Variants in GATC observed in about 807,000 individuals in gnomAD.
The protein encoded by GATC is glutamyl-tRNA amidotransferase subunit C.
In GATC, 11 loss-of-function variants were observed where a neutral mutation model predicts 14.4. The observed-to-expected ratio is 0.77, with a 90% CI of 0.48 to 1.27. GATC has a LOEUF of 1.27. Among genes scored for constraint, GATC ranks in the 50% most tolerant of loss-of-function variants. GATC has a pLI of 0.00. For synonymous variants in GATC, 76 were observed against 79.3 expected, an observed-to-expected ratio of 0.96 and a Z score of 0.22; for missense variants, 204 against 183.0, an observed-to-expected ratio of 1.11 and a Z score of -0.66.
chr12:120,448,160 G>C (rs185758191), intron 2 of GATC, among the ~76,000 whole-genome samples: 1 of 151,956 alleles, frequency 6.6e-6, no homozygotes, highest in Admixed American at 6.6e-5. Context: ...AGACTCAAGA[G>C]ATCCTCCTGC....
At chr12:120,454,432 C>A (rs921449224) in intron 2 of GATC, among the ~76,000 whole-genome samples, 4 of 152,010 alleles carry the variant, frequency 2.6e-5, no homozygotes, top group African/African-American at 9.7e-5. Flanking sequence ...AAGCTCTTAG[C>A]CTTTTTGAGA....
intron 2 of GATC, among the ~76,000 whole-genome samples, chr12:120,455,246 G>A (rs962174335): frequency 1.3e-5 from 2 of 150,948 alleles, no homozygotes; most frequent in Admixed American, 1.3e-4. Flanking sequence ...TCAGCTCACT[G>A]CAACCTCCGC....
intron 2 of GATC, among the ~76,000 whole-genome samples, chr12:120,455,193 TC>T (rs1565914164): frequency 6.6e-6 from 1 of 150,474 alleles, no homozygotes; most frequent in African/African-American, 2.5e-5. Flanking sequence ...TTTTTTTTTT[TC>T]TTCTTGCTCT....
At chr12:120,446,916 G>T (rs746175639) in intron 2 of GATC, 87 bp downstream of exon 2, 6 of 1,336,188 alleles carry the variant, frequency 4.5e-6, no homozygotes, top group Non-Finnish European at 6.1e-6. Context: ...TTTTCCAGGG[G>T]GTTAAAGAGT....
At chr12:120,452,574 T>C (rs1229063972) in intron 2 of GATC, among the ~76,000 whole-genome samples, 1 of 151,724 alleles carries the variant, frequency 6.6e-6, no homozygotes, top group Non-Finnish European at 1.5e-5. Flanking sequence ...CTTTGTTACT[T>C]TTTTTTTGGT....
intron 3 of GATC, among the ~76,000 whole-genome samples, chr12:120,457,684 G>A (rs1451280819): frequency 7.4e-6 from 1 of 135,106 alleles, no homozygotes; most frequent in African/African-American, 2.8e-5. Flanking sequence ...TCGGCTCACC[G>A]CAACCTCCAC....
At chr12:120,452,540 C>T (rs925614351) in intron 2 of GATC, among the ~76,000 whole-genome samples, 8 of 152,234 alleles carry the variant, frequency 5.3e-5, no homozygotes, top group Non-Finnish European at 7.4e-5. Context: ...CAGGTGTGTA[C>T]CCCTATGGCC....
chr12:120,456,193 C>G (rs1258661214), intron 2 of GATC, among the ~76,000 whole-genome samples: 1 of 152,198 alleles, frequency 6.6e-6, no homozygotes, highest in Admixed American at 6.5e-5. Flanking sequence ...GGCTTACACA[C>G]TTTTACACCT....
At chr12:120,449,969 T>G (rs1877994829) in intron 2 of GATC, among the ~76,000 whole-genome samples, 2 of 150,468 alleles carry the variant, frequency 1.3e-5, no homozygotes, top group Non-Finnish European at 3.0e-5. Context: ...TCCATGTTGG[T>G]CAGGCTGGTC....
chr12:120,457,622 T>C (rs1355657861), intron 3 of GATC, among the ~76,000 whole-genome samples: 1 of 132,442 alleles, frequency 7.6e-6, no homozygotes, highest in African/African-American at 3.1e-5. Context: ...TTTTTTTTTT[T>C]TGAGACGGAG....
chr12:120,452,966 G>A (rs1592984836), intron 2 of GATC, among the ~76,000 whole-genome samples: 1 of 152,150 alleles, frequency 6.6e-6, no homozygotes, highest in Admixed American at 6.6e-5. Flanking sequence ...GAAGTGTTGG[G>A]AATATAGATG....
Position 120,457,155 on chromosome 12 carries a change from G to C in GATC, c.334G>C (p.Glu112Gln), listed in dbSNP as rs1283747869. The C allele has an allele frequency of 6.2e-7, 1 of 1,612,776 alleles. No individual in the cohort carries two copies. The highest frequency in any genetic ancestry group is 1.7e-5 in the Admixed American group (1 of 59,902). Residue 112 changes from glutamate (E) to glutamine (Q), a missense_variant, in exon 3 of 4, where the codon GAG becomes CAG. Coordinates refer to ENST00000551765, the MANE Select transcript of GATC (RefSeq NM_176818.3). ...ELLQNSHRVV[E>Q]EYFVAPPGNI... Reference sequence around the variant, plus strand: ...ACTACAAAACTCCCATCGCGTCGTGGAGGAGTACTTTGTGGCCCCCCCAGG... The same window carrying C: ...ACTACAAAACTCCCATCGCGTCGTGCAGGAGTACTTTGTGGCCCCCCCAGG...
intron 2 of GATC, among the ~76,000 whole-genome samples, chr12:120,452,581 T>C (rs911344147): frequency 5.3e-5 from 8 of 152,268 alleles, no homozygotes; most frequent in Admixed American, 5.2e-4. Context: ...ACTTTTTTTT[T>C]GGTGGAGACA....
chr12:120,457,355 G>C (rs1878213967), intron 3 of GATC, among the ~76,000 whole-genome samples, 176 bp downstream of exon 3: 1 of 152,084 alleles, frequency 6.6e-6, no homozygotes, highest in Admixed American at 6.6e-5. Context: ...CTAGGGGGCA[G>C]TTAGTAACAG....
chr12:120,455,837 C>A (rs1373086363), intron 2 of GATC, among the ~76,000 whole-genome samples: 1 of 152,160 alleles, frequency 6.6e-6, no homozygotes, highest in African/African-American at 2.4e-5. Flanking sequence ...AGGCGCCCAC[C>A]ACCACGCCCG....
chr12:120,447,694 A>G (rs965034691), intron 2 of GATC, among the ~76,000 whole-genome samples: 6 of 151,988 alleles, frequency 3.9e-5, no homozygotes, highest in African/African-American at 1.2e-4. Context: ...TTCATTTGTT[A>G]TATCTCTTTT....
intron 2 of GATC, chr12:120,454,989 G>T (rs538951168): frequency 6.6e-6 from 3 of 451,842 alleles, no homozygotes; most frequent in South Asian, 3.1e-5. Context: ...CTACATTCAA[G>T]TGATTCTTGT....
In GATC at chr12:120,461,963, A is replaced by T; in HGVS notation, c.*2004A>T. On this transcript the variant is annotated 3_prime_UTR_variant, in exon 4 of 4. Transcript: ENST00000551765. ...TCCTCAATCTGGAATGTAGATTCTG[A>T]GCACAAAGCAGCTCAGTTAACCTAA... is the stretch of plus-strand genomic sequence containing the variant. 1 of 1,470,472 alleles carries T rather than the reference A, an allele frequency of 6.8e-7. No individual in the cohort carries two copies. The highest frequency in any genetic ancestry group is 1.4e-5 in the South Asian group (1 of 70,396). 91.1% of individuals were successfully genotyped at this position (1,470,472 alleles called of 1,614,324 possible). A position where few individuals can be genotyped will look rare whatever the true frequency, so the allele number is the denominator to read the frequency against.
At chr12:120,451,254 G>A (rs1878035935) in intron 2 of GATC, among the ~76,000 whole-genome samples, 1 of 151,520 alleles carries the variant, frequency 6.6e-6, no homozygotes, top group African/African-American at 2.4e-5. Context: ...AGACCAGCCT[G>A]GCCAAGATGG....
Sources: gnomAD v4.1 joint callset for allele counts (sites outside exome capture counted in the v4.1 genomes callset) on GRCh38, gnomAD v4.1.1 for gene constraint, MANE v1.5 for transcripts, NCBI Gene and HGNC (gene_info 2026-07-23, HGNC 2026-07-21) for gene names.